The following IQSEC1 variants were observed in gnomAD, a reference collection of about 807,000 sequenced individuals.
IQSEC1 encodes the protein IQ motif and SEC7 domain-containing protein 1.
Under a neutral mutation model 91.0 loss-of-function variants are expected in IQSEC1, and 31 were observed. That is an observed-to-expected ratio of 0.34 (90% CI 0.26 to 0.46). The LOEUF (loss-of-function observed/expected upper bound fraction) is 0.46, where lower values mean the gene tolerates loss of function less well. Among genes scored for constraint, IQSEC1 ranks in the 20% least tolerant of loss-of-function variants. The probability of loss-of-function intolerance (pLI) is 1.00; values close to 1 mark genes in which losing one functional copy is unlikely to be tolerated. For missense variants in IQSEC1, 1,388 were observed against 1,575.6 expected (o/e 0.88, Z 2.02); for synonymous variants, 699 against 662.6 (o/e 1.05, Z -0.84).
At chr3:13,138,696 A>C (rs75723805) in intron 2 of IQSEC1, among the ~76,000 whole-genome samples, 1,756 of 152,166 alleles carry the variant, frequency 0.012, 31 homozygotes, top group African/African-American at 0.041. Context: ...GACCTTGTGC[A>C]GCTGGTCACC....
chr3:13,114,873 C>T (rs1450900178), intron 2 of IQSEC1, among the ~76,000 whole-genome samples: 2 of 151,334 alleles, frequency 1.3e-5, no homozygotes, highest in African/African-American at 4.9e-5. Context: ...AAGAGCCAAG[C>T]ACTGTGAAGA....
intron 1 of IQSEC1, among the ~76,000 whole-genome samples, chr3:13,205,529 A>G (rs548065858): frequency 7.0e-5 from 10 of 143,190 alleles, no homozygotes; most frequent in Admixed American, 2.1e-4. Flanking sequence ...CCCTCTATCC[A>G]TCCACCCACC....
intron 1 of IQSEC1, among the ~76,000 whole-genome samples, chr3:12,973,806 C>A (rs1701022954): frequency 6.6e-6 from 1 of 152,146 alleles, no homozygotes. Context: ...CCCAGTGCTG[C>A]CCACCCATTG....
intron 1 of IQSEC1, among the ~76,000 whole-genome samples, chr3:13,010,693 T>C (rs1272597162): frequency 6.6e-6 from 1 of 152,008 alleles, no homozygotes; most frequent in African/African-American, 2.4e-5. Context: ...GGGGTGCCTC[T>C]TTTTTTTAAT....
At chr3:12,944,549 C>A (rs769407584) in intron 1 of IQSEC1, among the ~76,000 whole-genome samples, 2 of 152,208 alleles carry the variant, frequency 1.3e-5, no homozygotes, top group African/African-American at 2.4e-5. Context: ...GGCCTGTGCA[C>A]CTCCCTCCGG....
intron 1 of IQSEC1, among the ~76,000 whole-genome samples, chr3:13,254,645 TTTCAAC>T (rs1695255679): frequency 3.3e-5 from 5 of 152,194 alleles, no homozygotes; most frequent in Admixed American, 2.6e-4. Flanking sequence ...AGGCAAACAC[TTTCAAC>T]GACACAGCTC....
intron 12 of IQSEC1, among the ~76,000 whole-genome samples, chr3:12,904,720 G>A (rs541461100): frequency 3.3e-5 from 5 of 152,290 alleles, no homozygotes; most frequent in East Asian, 1.9e-4. Context: ...TACCCCTAAC[G>A]CCTGGGACTC....
At chr3:13,131,728 C>T (rs946785266) in intron 2 of IQSEC1, among the ~76,000 whole-genome samples, 5 of 152,124 alleles carry the variant, frequency 3.3e-5, no homozygotes, top group Non-Finnish European at 7.3e-5. Flanking sequence ...CTCAGGTGAT[C>T]CGCCTGCATC....
At chr3:13,266,985 C>G (rs79164161) in intron 1 of IQSEC1, among the ~76,000 whole-genome samples, 1 of 151,724 alleles carries the variant, frequency 6.6e-6, no homozygotes, top group Non-Finnish European at 1.5e-5. Flanking sequence ...GCTCCATAAC[C>G]GCTTACTCGA....
At chr3:12,929,336 C>T (rs1391960636) in intron 3 of IQSEC1, among the ~76,000 whole-genome samples, 2 of 152,186 alleles carry the variant, frequency 1.3e-5, no homozygotes, top group Non-Finnish European at 2.9e-5. Context: ...GGTGATGCCA[C>T]AGAAAGCTGG....
rs376146631 is a variant in IQSEC1 at position 13,098,163 on chromosome 3, T to G, written c.303-50641A>C. Among the ~76,000 whole-genome samples, 55 of 152,312 alleles carry G rather than the reference T, an allele frequency of 3.6e-4. 1 individual carries two copies. The South Asian group carries it at 9.9e-3, about 28-fold the overall frequency. On this transcript the variant is annotated intron_variant, in intron 2 of 15. Coordinates refer to the IQSEC1 transcript ENST00000648114. Reference sequence around the variant, plus strand: ...ATTTCTTCATTAATTCAACAAACATTTATTGAGCAACTATGATGTGCAGCC... The same window carrying G: ...ATTTCTTCATTAATTCAACAAACATGTATTGAGCAACTATGATGTGCAGCC...
intron 2 of IQSEC1, among the ~76,000 whole-genome samples, chr3:13,084,972 G>A (rs1026873947): frequency 2.0e-5 from 3 of 151,872 alleles, no homozygotes; most frequent in African/African-American, 7.3e-5. Flanking sequence ...GGGGTGGGGT[G>A]GGGGGGCAAT....
At chr3:13,237,335 C>A (rs1047314192) in intron 1 of IQSEC1, among the ~76,000 whole-genome samples, 3 of 152,230 alleles carry the variant, frequency 2.0e-5, no homozygotes, top group African/African-American at 7.2e-5. Flanking sequence ...TCCTCCGAGG[C>A]TCTGGACAGG....
At chr3:13,092,355 G>A (rs1705877294) in intron 2 of IQSEC1, among the ~76,000 whole-genome samples, 1 of 152,078 alleles carries the variant, frequency 6.6e-6, no homozygotes, top group Non-Finnish European at 1.5e-5. Context: ...CGCGGCTGCT[G>A]CAAAGTCCTG....
intron 1 of IQSEC1, among the ~76,000 whole-genome samples, chr3:13,175,262 A>G (rs183442100): frequency 6.6e-6 from 1 of 152,166 alleles, no homozygotes; most frequent in South Asian, 2.1e-4. Context: ...ATGTTTCCTC[A>G]TTTGTAAAAT....
intron 2 of IQSEC1, among the ~76,000 whole-genome samples, chr3:13,143,721 C>T (rs143179611): frequency 3.9e-5 from 6 of 152,244 alleles, no homozygotes; most frequent in African/African-American, 7.2e-5. Flanking sequence ...CTGTGGGTGC[C>T]GCCTCATCAC....
intron 1 of IQSEC1, among the ~76,000 whole-genome samples, chr3:13,053,444 C>A (rs966339906): frequency 6.6e-6 from 1 of 152,242 alleles, no homozygotes; most frequent in Non-Finnish European, 1.5e-5. Context: ...TGGATCCAGG[C>A]CTCAGGGCGG....
chr3:13,028,336 A>C (rs1164959547), intron 1 of IQSEC1, among the ~76,000 whole-genome samples: 2 of 152,210 alleles, frequency 1.3e-5, no homozygotes, highest in East Asian at 3.8e-4. Context: ...GGGACTGCTC[A>C]CCGTCTGGCC....
chr3:13,011,730 C>A (rs1702891580), intron 1 of IQSEC1, among the ~76,000 whole-genome samples: 1 of 152,264 alleles, frequency 6.6e-6, no homozygotes, highest in South Asian at 2.1e-4. Flanking sequence ...CACCCCTGTT[C>A]TGTAGGCATC....
Sources: allele counts gnomAD v4.1 joint callset (sites outside exome capture counted in the v4.1 genomes callset), GRCh38; gene constraint gnomAD v4.1.1; transcripts MANE v1.5; gene names NCBI Gene and HGNC (gene_info 2026-07-23, HGNC 2026-07-21).